The following SNX8 variants were observed in gnomAD, a reference collection of about 807,000 sequenced individuals.
The protein encoded by SNX8 is sorting nexin-8.
SNX8 carries 25 observed loss-of-function variants against 51.6 expected under a neutral mutation model. That is an observed-to-expected ratio of 0.48 (90% CI 0.35 to 0.68). SNX8 has a LOEUF of 0.68. Among genes scored for constraint, SNX8 ranks in the 30% least tolerant of loss-of-function variants. The probability of loss-of-function intolerance (pLI) is 0.00; values close to 1 mark genes in which losing one functional copy is unlikely to be tolerated. For synonymous variants in SNX8, 324 were observed against 277.0 expected (o/e 1.17, Z -1.68); for missense variants, 695 against 624.0 (o/e 1.11, Z -1.21).
chr7:2,286,330 CAG>C (rs1244548347), intron 1 of SNX8, among the ~76,000 whole-genome samples: 1 of 151,814 alleles, frequency 6.6e-6, no homozygotes, highest in African/African-American at 2.4e-5. Context: ...ATACTTTAAA[CAG>C]AAACTTTTCA....
chr7:2,314,723 T>G (rs1432196180), upstream of SNX8, among the ~76,000 whole-genome samples: 1 of 152,188 alleles, frequency 6.6e-6, no homozygotes, highest in Non-Finnish European at 1.5e-5. Context: ...GGCGCAAGCC[T>G]GCACCCACCG....
chr7:2,298,299 T>G (rs888718836), intron 1 of SNX8, among the ~76,000 whole-genome samples: 1 of 151,954 alleles, frequency 6.6e-6, no homozygotes, highest in Non-Finnish European at 1.5e-5. Context: ...TTATTTTTTT[T>G]GTAGAGGCAA....
intron 1 of SNX8, among the ~76,000 whole-genome samples, chr7:2,281,378 C>G (rs1285254515): frequency 6.6e-6 from 1 of 151,442 alleles, no homozygotes; most frequent in Non-Finnish European, 1.5e-5. Context: ...AAGATTGGGC[C>G]ACTGCACTCC....
intron 7 of SNX8, among the ~76,000 whole-genome samples, chr7:2,258,799 C>T (rs1007232605): frequency 3.3e-5 from 5 of 152,186 alleles, no homozygotes; most frequent in Admixed American, 2.0e-4. Context: ...TCACACAAGG[C>T]TCTGTGCGGG....
chr7:2,264,425 C>T lies in SNX8; in HGVS notation c.655G>A (p.Ala219Thr), dbSNP rs1395726526. The T allele has an allele frequency of 6.2e-7, 1 of 1,611,992 alleles. No individual in the cohort carries two copies. Among genetic ancestry groups the T allele is most frequent in the South Asian group, 1.1e-5 (1 of 91,074 alleles). ...FLPADIQAQF[A>T]ISRELIRNIY... ...TTCCGGATCAGCTCCCGGCTGATGG[C>T]AAACTGAGCCTGGATGTCAGCTGGG... The change falls in exon 6 of 11, where the codon GCC becomes ACC. Residue 219 changes from alanine (A) to threonine (T), a missense_variant. By Grantham distance (58) the Ala-to-Thr change is moderately conservative. Coordinates refer to ENST00000222990, the MANE Select transcript of SNX8 (RefSeq NM_013321.4).
chr7:2,256,971 C>G lies in SNX8; in HGVS notation c.1187G>C (p.Cys396Ser). 6.2e-7 allele frequency: 1 copy of G among 1,613,590 alleles called. No homozygotes were observed. The highest frequency in any genetic ancestry group is 8.5e-7 in the Non-Finnish European group (1 of 1,179,868). The part of the protein sequence containing the change: ...MELRNYFSLY[C>S]LHQETQLIHV... The stretch of plus-strand genomic sequence containing the variant: ...GATGAGCTGCGTCTCCTGGTGCAGG[C>G]AGTACAGGGAGAAGTAGTTCCGCAG... The change falls in exon 10 of 11, where the codon TGC becomes TCC. Residue 396 changes from cysteine to serine, a missense_variant. By Grantham distance (112) the Cys-to-Ser change is moderately radical (BLOSUM62 -1). Coordinates refer to ENST00000222990, the MANE Select transcript of SNX8 (RefSeq NM_013321.4).
At chr7:2,285,486 C>T (rs1184953928) in intron 1 of SNX8, among the ~76,000 whole-genome samples, 1 of 152,130 alleles carries the variant, frequency 6.6e-6, no homozygotes, top group East Asian at 1.9e-4. Context: ...ATATTATAGC[C>T]ATGGCATTAG....
At chr7:2,273,211 G>A (rs756303959) in intron 3 of SNX8, among the ~76,000 whole-genome samples, 11 of 152,068 alleles carry the variant, frequency 7.2e-5, no homozygotes, top group Non-Finnish European at 1.3e-4. Context: ...CCTCTTGGGA[G>A]GCTGAGGAGG....
At chr7:2,279,679 G>T (rs1037391039) in intron 1 of SNX8, among the ~76,000 whole-genome samples, 107 of 150,886 alleles carry the variant, frequency 7.1e-4, no homozygotes, top group Non-Finnish European at 3.1e-4. Flanking sequence ...CTGAGTCCGG[G>T]AAGGCGGAGG....
intron 7 of SNX8, among the ~76,000 whole-genome samples, chr7:2,258,492 C>G (rs1795253599): frequency 6.6e-6 from 1 of 152,154 alleles, no homozygotes; most frequent in African/African-American, 2.4e-5. Context: ...AAGGCTCCAT[C>G]AAGCACTGCA....
chr7:2,322,487 G>A (rs1167891834), intron 1 of SNX8, among the ~76,000 whole-genome samples: 1 of 151,964 alleles, frequency 6.6e-6, no homozygotes, highest in Non-Finnish European at 1.5e-5. Flanking sequence ...CTGAGGTCAG[G>A]GGTTCGAGAT....
chr7:2,275,270 C>G (rs775607183), intron 2 of SNX8, 41 bp from the exon 3 acceptor site: 16 of 1,398,174 alleles, frequency 1.1e-5, no homozygotes, highest in Non-Finnish European at 1.3e-5. Context: ...ACGTTGGAAA[C>G]TATGCTGTCG....
chr7:2,332,008 C>A (rs929304252), intron 1 of SNX8, among the ~76,000 whole-genome samples: 2 of 151,866 alleles, frequency 1.3e-5, no homozygotes, highest in Non-Finnish European at 2.9e-5. Flanking sequence ...AGTTCGAGAC[C>A]AGTGTAGGCA....
At chr7:2,280,695 C>T (rs1795887962) in intron 1 of SNX8, among the ~76,000 whole-genome samples, 1 of 152,058 alleles carries the variant, frequency 6.6e-6, no homozygotes, top group South Asian at 2.1e-4. Context: ...ACTTCTTTAA[C>T]TCTCGATTGT....
At chr7:2,338,083 T>G (rs965008652) in intron 1 of SNX8, among the ~76,000 whole-genome samples, 5 of 152,086 alleles carry the variant, frequency 3.3e-5, no homozygotes, top group Non-Finnish European at 5.9e-5. Flanking sequence ...CCTAACACTT[T>G]GGGAAGCCAA....
intron 1 of SNX8, among the ~76,000 whole-genome samples, chr7:2,326,622 C>T (rs574717757): frequency 7.3e-5 from 11 of 151,702 alleles, no homozygotes; most frequent in African/African-American, 9.7e-5. Context: ...GCCGAGATCA[C>T]GCCACTGCAC....
chr7:2,267,492 TTGG>T (rs1795497125), intron 5 of SNX8, among the ~76,000 whole-genome samples: 1 of 126,150 alleles, frequency 7.9e-6, no homozygotes, highest in Non-Finnish European at 1.8e-5. Flanking sequence ...CTGACTGGTT[TTGG>T]TGGAGACGGG....
chr7:2,329,227 C>T (rs1419000829), intron 1 of SNX8, among the ~76,000 whole-genome samples: 3 of 151,310 alleles, frequency 2.0e-5, no homozygotes, highest in Non-Finnish European at 2.9e-5. Context: ...GCCAAGACTG[C>T]GCCACTGCAC....
intron 5 of SNX8, among the ~76,000 whole-genome samples, chr7:2,265,022 G>A (rs538377696): frequency 2.0e-5 from 3 of 152,130 alleles, no homozygotes; most frequent in South Asian, 4.2e-4. Flanking sequence ...GCGACAGAAC[G>A]AGACTCTGTC....
Sources: gnomAD v4.1 joint callset for allele counts (sites outside exome capture counted in the v4.1 genomes callset) on GRCh38, gnomAD v4.1.1 for gene constraint, MANE v1.5 for transcripts, NCBI Gene and HGNC (gene_info 2026-07-23, HGNC 2026-07-21) for gene names.